Variants in SF3B4 observed in about 807,000 individuals in gnomAD.
SF3B4 encodes SAP 49.
SF3B4 carries 3 observed loss-of-function variants against 34.3 expected under a neutral mutation model. That is an observed-to-expected ratio of 0.09 (90% confidence interval 0.04 to 0.23). SF3B4 has a LOEUF of 0.23. Among genes scored for constraint, SF3B4 ranks in the 10% least tolerant of loss-of-function variants. SF3B4 has a pLI of 1.00. For missense variants in SF3B4, 283 were observed against 567.2 expected (o/e 0.50, Z 5.09); for synonymous variants, 216 against 207.8 (o/e 1.04, Z -0.34).
chr1:149,926,091 T>C lies in SF3B4; in HGVS notation c.707-49A>G. 2.1e-6 allele frequency: 2 copies of C among 965,600 alleles called. No individual in the cohort carries two copies. Among genetic ancestry groups the C allele is most frequent in the Non-Finnish European group, 3.1e-6 (2 of 653,768 alleles). The allele number at this position is 965,600 out of a possible 1,614,324, so 59.8% of individuals were successfully genotyped here. On this transcript the variant is annotated intron_variant, in intron 3 of 5. Transcript: ENST00000271628. The surrounding 1 kb of genome is among the most constrained non-coding windows in gnomAD (Gnocchi z 6.2). ...AGAGTTAATGGTAGTGAGGAGAAAATGTCTTTAAAGAGCCTGTCCTGATCT... is the reference window on the plus strand; with the variant it reads ...AGAGTTAATGGTAGTGAGGAGAAAACGTCTTTAAAGAGCCTGTCCTGATCT...
In SF3B4 at chr1:149,927,105, A is replaced by G. The variant is rs1249128961; in HGVS notation, c.163+61T>C. On this transcript the variant is annotated intron_variant, in intron 2 of 5. Coordinates refer to ENST00000271628, the MANE Select transcript of SF3B4 (RefSeq NM_005850.5). Reference sequence around the variant, plus strand: ...TCTTTAGGTTGCTCATGTTATTCCAAAACAGTTGTGAATACTGCTGGGACC... The same window carrying G: ...TCTTTAGGTTGCTCATGTTATTCCAGAACAGTTGTGAATACTGCTGGGACC... The G allele has an allele frequency of 3.1e-6, 5 of 1,589,802 alleles. No homozygotes were observed. In the South Asian group the frequency reaches 4.5e-5, roughly 14 times the overall value.
intron 4 of SF3B4, chr1:149,925,570 C>A: frequency 4.6e-6 from 2 of 435,404 alleles, no homozygotes; most frequent in Non-Finnish European, 4.2e-6. Flanking sequence ...TAGGTCACCA[C>A]TTTGAGGTGG....
chr1:149,926,130 AG>A lies in SF3B4; in HGVS notation c.707-89del. 1.4e-6 allele frequency: 1 copy of A among 729,836 alleles called. No individual in the cohort carries two copies. The highest frequency in any genetic ancestry group is 2.2e-6 in the Non-Finnish European group (1 of 448,410). The allele number at this position is 729,836 out of a possible 1,614,324, so 45.2% of individuals were successfully genotyped here. ...CTGTCCTGATCTGGCCTCTCCAGGC[AG>A]GGTGAGCTCTTTCCCCCTCCTCCCA... On this transcript the variant is annotated intron_variant, in intron 3 of 5. Transcript: ENST00000271628. This position sits in a 1 kb window ranked among gnomAD's most constrained non-coding sequence, Gnocchi z 6.2.
At position 149,926,587 on chromosome 1, in the gene SF3B4, C is replaced by T. The variant is rs1435284559; in HGVS notation, c.495G>A (p.Gln165=). The T allele has an allele frequency of 6.2e-6, 10 of 1,614,226 alleles. No individual in the cohort carries two copies. The highest frequency in any genetic ancestry group is 2.7e-5 in the African/African-American group (2 of 75,058). Residue 165 remains glutamine, a synonymous_variant, in exon 3 of 6, where the codon CAG becomes CAA. Transcript: ENST00000271628. This position sits in a 1 kb window ranked among gnomAD's most constrained non-coding sequence, Gnocchi z 6.2. Reference sequence around the variant, plus strand: ...CGGTGATAGGACGGTTACAGAGGTACTGCCCATTCATGGCTTCAATTGCTG... The same window carrying T: ...CGGTGATAGGACGGTTACAGAGGTATTGCCCATTCATGGCTTCAATTGCTG... ...SDAAIEAMNG[Q]YLCNRPITVS... is the part of the protein sequence containing the mutation.
At position 149,926,527 on chromosome 1, in the gene SF3B4, C is replaced by T. The variant is rs145373049; in HGVS notation, c.555G>A (p.Glu185=). ...GTCGTTCGGCTGCTGAGCCATGGCG[C>T]TCACCCTTGGAGTCCTTCTTGAAGG... ...SYAFKKDSKG[E]RHGSAAERLL... is the part of the protein sequence containing the mutation. Residue 185 remains glutamate (E), a synonymous_variant, in exon 3 of 6, where the codon GAG becomes GAA. Transcript: ENST00000271628. The surrounding 1 kb of genome is among the most constrained non-coding windows in gnomAD (Gnocchi z 6.2). The T allele has an allele frequency of 8.0e-5, 129 of 1,614,170 alleles. No homozygotes were observed. The African/African-American group carries it at 1.4e-3, about 17-fold the overall frequency.
In SF3B4 at chr1:149,927,771, T is replaced by C. The variant is rs369314933; in HGVS notation, c.-12A>G. The C allele has an allele frequency of 2.3e-4, 351 of 1,552,282 alleles. No individual in the cohort carries two copies. Among genetic ancestry groups the C allele is most frequent in the Non-Finnish European group, 3.0e-4 (339 of 1,147,370 alleles). On this transcript the variant is annotated 5_prime_UTR_variant, in exon 1 of 6. Coordinates refer to ENST00000271628, the MANE Select transcript of SF3B4 (RefSeq NM_005850.5). ...GGCCCGGCAGCCATGGCGAAAGAGA[T>C]CCCGCCGTCTCCCAGCAGCGGTTCC...
At chr1:149,924,252 TAGTG>T (rs1366955607) in intron 4 of SF3B4, among the ~76,000 whole-genome samples, 1 of 151,992 alleles carries the variant, frequency 6.6e-6, no homozygotes, top group East Asian at 1.9e-4. Flanking sequence ...CTGGGCAACA[TAGTG>T]AGACCCCAGC....
rs781852552 is a variant in SF3B4, at chr1:149,926,157, G to C, written c.707-115C>G. 4.3e-6 allele frequency: 3 copies of C among 693,578 alleles called. No individual in the cohort carries two copies. The highest frequency in any genetic ancestry group is 3.6e-5 in the African/African-American group (2 of 55,546). 43.0% of individuals were successfully genotyped at this position (693,578 alleles called of 1,614,324 possible). A position where few individuals can be genotyped will look rare whatever the true frequency, so the allele number is the denominator to read the frequency against. ...GGTGAGCTCTTTCCCCCTCCTCCCAGTGCTCTAAAATCAAAAGCAATGTTA... is the reference window on the plus strand; with the variant it reads ...GGTGAGCTCTTTCCCCCTCCTCCCACTGCTCTAAAATCAAAAGCAATGTTA... On this transcript the variant is annotated intron_variant, in intron 3 of 5. Coordinates refer to ENST00000271628, the MANE Select transcript of SF3B4 (RefSeq NM_005850.5). This position sits in a 1 kb window ranked among gnomAD's most constrained non-coding sequence, Gnocchi z 6.2.
chr1:149,924,496 T>A (rs1304198578), intron 4 of SF3B4, among the ~76,000 whole-genome samples: 1 of 152,078 alleles, frequency 6.6e-6, no homozygotes, highest in Non-Finnish European at 1.5e-5. Flanking sequence ...TTGACCCTAT[T>A]CCAACAGCAC....
chr1:149,923,484 G>C lies in SF3B4; in HGVS notation c.*58C>G. 7.3e-6 allele frequency: 10 copies of C among 1,368,864 alleles called. No individual in the cohort carries two copies. Among genetic ancestry groups the C allele is most frequent in the Non-Finnish European group, 9.9e-6 (10 of 1,012,100 alleles). The allele number at this position is 1,368,864 out of a possible 1,614,324, so 84.8% of individuals were successfully genotyped here. On this transcript the variant is annotated 3_prime_UTR_variant, in exon 6 of 6. Coordinates refer to ENST00000271628, the MANE Select transcript of SF3B4 (RefSeq NM_005850.5). ...CCAAGGAGCTACAGCATCTCTGATT[G>C]GTCCAAGGAATAGAAAAGATATTGG...
intron 4 of SF3B4, 73 bp downstream of exon 4, chr1:149,925,763 G>A: frequency 4.5e-6 from 5 of 1,121,334 alleles, no homozygotes; most frequent in Non-Finnish European, 6.8e-6. Flanking sequence ...GAGGAACAAA[G>A]GGCAGCAGGG....
At chr1:149,924,140 G>C (rs1553765707) in intron 4 of SF3B4, 126 bp from the exon 5 acceptor site, 1 of 864,746 alleles carries the variant, frequency 1.2e-6, no homozygotes, top group Non-Finnish European at 1.7e-6. Context: ...AGAAAAAAGG[G>C]TATAGAAAAT....
chr1:149,926,930 GAGA>G lies in SF3B4; in HGVS notation c.164-15_164-13del. 1 of 1,586,880 alleles carries G rather than the reference GAGA, an allele frequency of 6.3e-7. No homozygotes were observed. The highest frequency in any genetic ancestry group is 1.1e-5 in the South Asian group (1 of 87,174). ...CACAAAGCCATAGCCTGGAAAAGTG[GAGA>G]AGAGGAGGTTAACAACGTAAGTAAA... On this transcript the variant is annotated splice_polypyrimidine_tract_variant and intron_variant, in intron 2 of 5. Coordinates refer to ENST00000271628, the MANE Select transcript of SF3B4 (RefSeq NM_005850.5). The surrounding 1 kb of genome is among the most constrained non-coding windows in gnomAD (Gnocchi z 6.2).
Position 149,925,843 on chromosome 1 carries a change from G to A in SF3B4, c.906C>T (p.Pro302=), listed in dbSNP as rs781936362. ...HPHPFPPGGM[P]HPGMSQMQLA... ...CCAACAAAGCACACCTACCTGGATG[G>A]GGCATCCCACCCGGTGGGAATGGGT... Residue 302 remains proline (P), a synonymous_variant, in exon 4 of 6, where the codon CCC becomes CCT. Transcript: ENST00000271628. The A allele has an allele frequency of 3.1e-6, 5 of 1,613,288 alleles. No individual in the cohort carries two copies. The South Asian group carries it at 3.3e-5, about 11-fold the overall frequency.
In SF3B4 at chr1:149,923,870, G is replaced by C. The variant is rs782461594; in HGVS notation, c.1058C>G (p.Pro353Arg). ...HPGPPPMGMP[P>R]RGPPFGSPMG... is the part of the protein sequence containing the mutation. Reference sequence around the variant, plus strand: ...GGGAGATCCGAATGGAGGCCCTCGGGGGGGCATGCCCATTGGAGGAGGTCC... The same window carrying C: ...GGGAGATCCGAATGGAGGCCCTCGGCGGGGCATGCCCATTGGAGGAGGTCC... The change falls in exon 5 of 6, where the codon CCC becomes CGC. Residue 353 changes from proline to arginine, a missense_variant. This residue lies in a region of SF3B4 where 208 missense variants were observed against 292.6 expected (regional missense o/e 0.71). Transcript: ENST00000271628. 9.4e-6 allele frequency: 15 copies of C among 1,604,000 alleles called. No homozygotes were observed. The highest frequency in any genetic ancestry group is 1.3e-5 in the Non-Finnish European group (15 of 1,176,970).
At chr1:149,927,552 C>T (rs587723294) in intron 1 of SF3B4, 174 bp downstream of exon 1, 5 of 844,846 alleles carry the variant, frequency 5.9e-6, no homozygotes, top group Admixed American at 5.2e-5. Context: ...AAGTATCACA[C>T]CCAGAGGCCT....
chr1:149,926,312 T>C lies in SF3B4; in HGVS notation c.706+64A>G. On this transcript the variant is annotated intron_variant, in intron 3 of 5. Transcript: ENST00000271628. This position sits in a 1 kb window ranked among gnomAD's most constrained non-coding sequence, Gnocchi z 6.2. The stretch of plus-strand genomic sequence containing the variant: ...CCCCTGTCCCCCTTTCAGACTTGTT[T>C]TCTTCTTCCTCCTGACCCTCTCCCC... 1 of 1,445,346 alleles carries C rather than the reference T, an allele frequency of 6.9e-7. No homozygotes were observed. The highest frequency in any genetic ancestry group is 9.4e-7 in the Non-Finnish European group (1 of 1,062,334). The allele number at this position is 1,445,346 out of a possible 1,614,324, so 89.5% of individuals were successfully genotyped here. A position where few individuals can be genotyped will look rare whatever the true frequency, so the allele number is the denominator to read the frequency against.
intron 2 of SF3B4, 102 bp from the exon 3 acceptor site, chr1:149,927,020 C>T: frequency 1.4e-6 from 2 of 1,450,954 alleles, no homozygotes; most frequent in Non-Finnish European, 1.9e-6. Context: ...AAAGAAACAA[C>T]ATCACTTTAC....
At chr1:149,924,911 A>G (rs1553765768) in intron 4 of SF3B4, among the ~76,000 whole-genome samples, 1 of 152,250 alleles carries the variant, frequency 6.6e-6, no homozygotes, top group Non-Finnish European at 1.5e-5. Flanking sequence ...TGTAGGTCAA[A>G]GGGAGCAACA....
Sources: allele counts gnomAD v4.1 joint callset (sites outside exome capture counted in the v4.1 genomes callset), GRCh38; gene constraint gnomAD v4.1.1; regional missense constraint gnomAD v4.1.1; non-coding constraint Gnocchi (gnomAD v3.1); transcripts MANE v1.5; gene names NCBI Gene and HGNC (gene_info 2026-07-23, HGNC 2026-07-21).